Variants in C5orf46 observed in about 807,000 individuals in gnomAD.
The protein encoded by C5orf46 is uncharacterized protein C5orf46.
Under a neutral mutation model 8.9 loss-of-function variants are expected in C5orf46, and 9 were observed. The ratio of observed to expected loss-of-function variants is 1.01; its 90% CI spans 0.61 to 1.76. The LOEUF (loss-of-function observed/expected upper bound fraction) is 1.76, where lower values mean the gene tolerates loss of function less well. C5orf46 is among the 40% of genes most tolerant of loss of function. C5orf46 has a pLI of 0.00. For synonymous variants in C5orf46, 47 were observed against 41.4 expected (o/e 1.14, Z -0.52); for missense variants, 98 against 107.8 (o/e 0.91, Z 0.40).
chr5:147,899,706 C>T (rs969237670), intron 2 of C5orf46, among the ~76,000 whole-genome samples: 1 of 152,116 alleles, frequency 6.6e-6, no homozygotes, highest in African/African-American at 2.4e-5. Context: ...TAGAGAATAA[C>T]AGGCAGTGGG....
At chr5:147,886,854 G>C (rs544144833) in intron 2 of C5orf46, 1 of 152,082 alleles carries the variant, frequency 6.6e-6, no homozygotes, top group Non-Finnish European at 1.5e-5. Flanking sequence ...AACCTTGAAA[G>C]TGGAAATGCA....
intron 3 of C5orf46, among the ~76,000 whole-genome samples, chr5:147,894,335 A>C (rs984735205): frequency 6.6e-6 from 1 of 152,210 alleles, no homozygotes; most frequent in African/African-American, 2.4e-5. Context: ...ATGGAGTTAA[A>C]ATTTTAATTT....
At position 147,897,000 on chromosome 5, in the gene C5orf46, G is replaced by T; in HGVS notation, c.257C>A (p.Ser86Ter). The change falls in exon 3 of 4, where the codon TCA becomes TAA. Residue 86 changes from serine to a stop codon, truncating the protein, a stop_gained. Transcript: ENST00000318315. LOFTEE classifies it high-confidence loss of function. The stretch of plus-strand genomic sequence containing the variant: ...AAAAATCACCTGAGGATGTCACTTT[G>T]ATGAATGTTTTCCTTCATTATCATC... Reference protein sequence around the residue: ...EFDDNEGKHSSK With the variant: ...EFDDNEGKHS 1 of 1,508,774 alleles carries T rather than the reference G, an allele frequency of 6.6e-7. No homozygotes were observed. The highest frequency in any genetic ancestry group is 9.1e-7 in the Non-Finnish European group (1 of 1,100,436). 93.5% of individuals were successfully genotyped at this position (1,508,774 alleles called of 1,614,324 possible).
intron 2 of C5orf46, among the ~76,000 whole-genome samples, chr5:147,901,143 AC>A (rs1757662383): frequency 6.6e-6 from 1 of 152,152 alleles, no homozygotes; most frequent in African/African-American, 2.4e-5. Context: ...GACTCCTCAC[AC>A]CCATCACTAA....
chr5:147,888,283 AC>A (rs1349456186), downstream of C5orf46, among the ~76,000 whole-genome samples: 1 of 152,012 alleles, frequency 6.6e-6, no homozygotes, highest in African/African-American at 2.4e-5. Context: ...TTTACTCTGG[AC>A]CCCTCTGTCT....
intron 1 of C5orf46, among the ~76,000 whole-genome samples, chr5:147,904,158 G>A (rs1024624934): frequency 6.6e-6 from 1 of 152,186 alleles, no homozygotes. Flanking sequence ...GTACTCAGAA[G>A]GATTGGTTTG....
intron 1 of C5orf46, 69 bp downstream of exon 1, chr5:147,906,363 G>C: frequency 9.8e-7 from 1 of 1,019,944 alleles, no homozygotes; most frequent in Non-Finnish European, 1.5e-6. Flanking sequence ...TTCTGAATCA[G>C]TGCCATCAGC....
chr5:147,903,940 G>A (rs1279621401), intron 1 of C5orf46, among the ~76,000 whole-genome samples: 1 of 150,600 alleles, frequency 6.6e-6, no homozygotes, highest in Non-Finnish European at 1.5e-5. Context: ...TAGAGACGGG[G>A]TTTCGCCATA....
At chr5:147,894,497 T>C (rs888955363) in intron 3 of C5orf46, among the ~76,000 whole-genome samples, 29 of 152,090 alleles carry the variant, frequency 1.9e-4, no homozygotes, top group South Asian at 2.1e-4. Context: ...GTAGAATCTC[T>C]TCTCTCAGAG....
At position 147,906,436 on chromosome 5, in the gene C5orf46, A is replaced by G; in HGVS notation, c.66T>C (p.Tyr22=). ...GCTGTGATCAGAAGCACTTACCTGCATAGCAGGTCAGGAATAAGACAAGCA... is the reference window on the plus strand; with the variant it reads ...GCTGTGATCAGAAGCACTTACCTGCGTAGCAGGTCAGGAATAAGACAAGCA... ...LGLLVLFLTC[Y]ADDKPDKPDD... The change falls in exon 1 of 4, where the codon TAT becomes TAC. Residue 22 remains tyrosine, a synonymous_variant. Coordinates refer to ENST00000318315, the MANE Select transcript of C5orf46 (RefSeq NM_206966.3). 3 of 1,603,652 alleles carry G rather than the reference A, an allele frequency of 1.9e-6. No individual in the cohort carries two copies. Among genetic ancestry groups the G allele is most frequent in the Non-Finnish European group, 2.6e-6 (3 of 1,171,780 alleles).
intron 2 of C5orf46, chr5:147,886,316 C>G (rs1442921802): frequency 6.6e-6 from 1 of 152,012 alleles, no homozygotes; most frequent in Non-Finnish European, 1.5e-5. Context: ...TTGCAAGATA[C>G]TACCATTGGA....
intron 1 of C5orf46, among the ~76,000 whole-genome samples, chr5:147,904,499 T>A (rs1455353490): frequency 6.6e-6 from 1 of 152,206 alleles, no homozygotes; most frequent in African/African-American, 2.4e-5. Context: ...AGATGAGATT[T>A]TTTCTCCTGT....
chr5:147,892,238 C>T (rs976501153), downstream of C5orf46, among the ~76,000 whole-genome samples: 6 of 152,260 alleles, frequency 3.9e-5, no homozygotes, highest in East Asian at 3.9e-4. Flanking sequence ...GCAGAGGATC[C>T]ACCTCTGTGT....
chr5:147,894,265 T>C (rs546265214), intron 3 of C5orf46, among the ~76,000 whole-genome samples: 1 of 152,184 alleles, frequency 6.6e-6, no homozygotes, highest in African/African-American at 2.4e-5. Context: ...AAATATCAAA[T>C]GACTTAAGAC....
At chr5:147,892,192 A>G (rs1486572196), downstream of C5orf46, among the ~76,000 whole-genome samples, 1 of 152,140 alleles carries the variant, frequency 6.6e-6, no homozygotes, top group East Asian at 1.9e-4. Flanking sequence ...GTCACATTTT[A>G]CTTCTGGTAA....
downstream of C5orf46, chr5:147,892,626 T>C (rs1333997821): frequency 6.6e-6 from 1 of 152,142 alleles, no homozygotes; most frequent in Non-Finnish European, 1.5e-5. Flanking sequence ...TATATAAATA[T>C]ATAAATATTC....
chr5:147,894,113 A>G (rs1430595117), intron 3 of C5orf46, among the ~76,000 whole-genome samples: 2 of 152,126 alleles, frequency 1.3e-5, no homozygotes, highest in African/African-American at 4.8e-5. Context: ...CCTATAGTAC[A>G]TTTTGCCTTA....
In C5orf46 at chr5:147,901,712, G is replaced by A; in HGVS notation, c.132C>T (p.Asp44=). The part of the protein sequence containing the change: ...PDDSGKDPKP[D]FPKFLSLLGT... ...CCAGGAGGCTTAGGAATTTGGGGAA[G>A]TCTGGCTTTGGGTCTTTGCCCGAGT... Residue 44 remains aspartate, a synonymous_variant, in exon 2 of 4, where the codon GAC becomes GAT. Transcript: ENST00000318315. The A allele has an allele frequency of 6.2e-7, 1 of 1,614,048 alleles. No homozygotes were observed. The highest frequency in any genetic ancestry group is 8.5e-7 in the Non-Finnish European group (1 of 1,179,980).
chr5:147,891,402 A>G (rs563449921), downstream of C5orf46, among the ~76,000 whole-genome samples: 2 of 152,138 alleles, frequency 1.3e-5, no homozygotes, highest in Admixed American at 6.5e-5. Context: ...GGAAACACAC[A>G]TTGTAAAGCA....
Sources: gnomAD v4.1 joint callset for allele counts (sites outside exome capture counted in the v4.1 genomes callset) on GRCh38, gnomAD v4.1.1 for gene constraint, MANE v1.5 for transcripts, NCBI Gene and HGNC (gene_info 2026-07-23, HGNC 2026-07-21) for gene names.